The following PHACTR2 variants were observed in gnomAD, a reference collection of about 807,000 sequenced individuals.
PHACTR2 encodes phosphatase and actin regulator 2.
Under a neutral mutation model 76.0 loss-of-function variants are expected in PHACTR2, and 30 were observed. That is an observed-to-expected ratio of 0.39 (90% CI 0.30 to 0.54). The LOEUF (loss-of-function observed/expected upper bound fraction) is 0.54. PHACTR2 is among the 20% of genes least tolerant of loss of function. The probability of loss-of-function intolerance (pLI) is 0.61; values close to 1 mark genes in which losing one functional copy is unlikely to be tolerated. For synonymous variants in PHACTR2, 292 were observed against 292.5 expected, an observed-to-expected ratio of 1.00 and a Z score of 0.02; for missense variants, 696 against 781.1, an observed-to-expected ratio of 0.89 and a Z score of 1.30.
rs781079082 is a variant in PHACTR2 at position 143,761,266 on chromosome 6, C to CAA, written c.694+629_694+630dup. Among the ~76,000 whole-genome samples, 1 of 152,162 alleles carries CAA rather than the reference C, an allele frequency of 6.6e-6. No homozygotes were observed. The highest frequency in any genetic ancestry group is 1.9e-4 in the East Asian group (1 of 5,192). ...CCCTGTAGACTTGTGTGTTCTAAGG[C>CAA]AAAACATCCTGGTGTCATGTGGTTA... On this transcript the variant is annotated intron_variant, in intron 5 of 12. Coordinates refer to ENST00000440869, the MANE Select transcript of PHACTR2 (RefSeq NM_001100164.2). The surrounding 1 kb of genome is among the most constrained non-coding windows in gnomAD (Gnocchi z 5.2).
At position 143,765,203 on chromosome 6, in the gene PHACTR2, T is replaced by C. The variant is rs1779527817; in HGVS notation, c.695-58T>C. 7.2e-7 allele frequency: 1 copy of C among 1,385,786 alleles called. No individual in the cohort carries two copies. Among genetic ancestry groups the C allele is most frequent in the Non-Finnish European group, 9.9e-7 (1 of 1,008,038 alleles). The allele number at this position is 1,385,786 out of a possible 1,614,324, so 85.8% of individuals were successfully genotyped here. On this transcript the variant is annotated intron_variant, in intron 5 of 12. Coordinates refer to ENST00000440869, the MANE Select transcript of PHACTR2 (RefSeq NM_001100164.2). The surrounding 1 kb of genome is among the most constrained non-coding windows in gnomAD (Gnocchi z 4.1). ...TTGTTGACAGTTACACCTTGGTTAC[T>C]TTATTTTAAAAAGCATTGTATTCTT... is the stretch of plus-strand genomic sequence containing the variant.
chr6:143,707,614 C>T lies in PHACTR2; in HGVS notation c.47-4402C>T, dbSNP rs143990259. 6.4e-3 allele frequency among the ~76,000 whole-genome samples: 979 copies of T among 152,244 alleles called. 7 individuals are homozygous for T. The highest frequency in any genetic ancestry group is 7.7e-3 in the Non-Finnish European group (525 of 68,022). On this transcript the variant is annotated intron_variant, in intron 1 of 12. Transcript: ENST00000440869. ...TGTCATATCTATTAAATAGTATAAA[C>T]ATACAACAAACTCTATTAGGTAGAA...
chr6:143,801,815 TTTCTCC>T lies in PHACTR2; in HGVS notation c.1846-5241_1846-5236del, dbSNP rs1775961346. 6.6e-6 allele frequency among the ~76,000 whole-genome samples: 1 copy of T among 152,166 alleles called. No homozygotes were observed. The highest frequency in any genetic ancestry group is 6.6e-5 in the Admixed American group (1 of 15,266). On this transcript the variant is annotated intron_variant, in intron 11 of 12. Transcript: ENST00000440869. The surrounding 1 kb of genome is among the most constrained non-coding windows in gnomAD (Gnocchi z 4.6). The stretch of plus-strand genomic sequence containing the variant: ...GGAATTTTCAGCCTTTCTGCCTTGG[TTTCTCC>T]CCATCTTTGTGGTTTTATTTACCTT...
intron 1 of PHACTR2, among the ~76,000 whole-genome samples, chr6:143,588,824 T>C (rs959378623): frequency 2.0e-5 from 3 of 152,156 alleles, no homozygotes; most frequent in African/African-American, 7.2e-5. Context: ...CAATTTGATA[T>C]CTATGAATTT....
At chr6:143,650,566 A>C (rs184218743) in intron 1 of PHACTR2, among the ~76,000 whole-genome samples, 1 of 152,340 alleles carries the variant, frequency 6.6e-6, no homozygotes, top group Non-Finnish European at 1.5e-5. Flanking sequence ...AACCTGACAA[A>C]AACAAACAAT....
chr6:143,707,514 G>A (rs960665783), intron 1 of PHACTR2, among the ~76,000 whole-genome samples: 2 of 152,146 alleles, frequency 1.3e-5, no homozygotes, highest in Admixed American at 6.5e-5. Flanking sequence ...TTGTGAGCTG[G>A]AATACTATGC....
rs766493652 is a variant in PHACTR2, at chr6:143,562,291, G to A, written c.217+25084G>A. Reference sequence around the variant, plus strand: ...AGGCTGTACAGGAAGCACGGTGCTGGCATCTGCTTGGCCTCCCCAGGCCTC... The same window carrying A: ...AGGCTGTACAGGAAGCACGGTGCTGACATCTGCTTGGCCTCCCCAGGCCTC... On this transcript the variant is annotated intron_variant, in intron 1 of 11. Transcript: ENST00000367584. This position sits in a 1 kb window ranked among gnomAD's most constrained non-coding sequence, Gnocchi z 5.1. Among the ~76,000 whole-genome samples the A allele has an allele frequency of 3.9e-5, 6 of 152,160 alleles. No individual in the cohort carries two copies. The highest frequency in any genetic ancestry group is 8.8e-5 in the Non-Finnish European group (6 of 68,010).
rs930995127 is a variant in PHACTR2, at chr6:143,783,768, T to A, written c.1707+488T>A. 1.3e-5 allele frequency among the ~76,000 whole-genome samples: 2 copies of A among 152,210 alleles called. No homozygotes were observed. The highest frequency in any genetic ancestry group is 2.9e-5 in the Non-Finnish European group (2 of 68,046). ...TGAAAGTATGTACTCTGTGTGAAAA[T>A]TTTTAAAGACACAAAAAAAGAAAAA... On this transcript the variant is annotated intron_variant, in intron 10 of 12. Coordinates refer to ENST00000440869, the MANE Select transcript of PHACTR2 (RefSeq NM_001100164.2). This position sits in a 1 kb window ranked among gnomAD's most constrained non-coding sequence, Gnocchi z 5.2.
At chr6:143,681,392 A>G (rs1777385142) in intron 1 of PHACTR2, among the ~76,000 whole-genome samples, 1 of 151,774 alleles carries the variant, frequency 6.6e-6, no homozygotes, top group South Asian at 2.1e-4. Context: ...CCATTTGTAT[A>G]TCTTCTTTGG....
In PHACTR2 at chr6:143,784,434, C is replaced by A. The variant is rs1370342607; in HGVS notation, c.1707+1154C>A. Among the ~76,000 whole-genome samples the A allele has an allele frequency of 1.3e-5, 2 of 152,152 alleles. No homozygotes were observed. The highest frequency in any genetic ancestry group is 4.8e-5 in the African/African-American group (2 of 41,430). ...AATCATTCTTCAGGCATACCTTATG[C>A]ACCTAAAAATGGATAAAGTGACTAA... On this transcript the variant is annotated intron_variant, in intron 10 of 12. Transcript: ENST00000440869. The surrounding 1 kb of genome is among the most constrained non-coding windows in gnomAD (Gnocchi z 4.5).
In PHACTR2 at chr6:143,829,559, T is replaced by G. The variant is rs557601299; in HGVS notation, c.*5870T>G. 6.6e-6 allele frequency: 1 copy of G among 152,354 alleles called. No homozygotes were observed. The highest frequency in any genetic ancestry group is 2.1e-4 in the South Asian group (1 of 4,828). The allele number at this position is 152,354 out of a possible 1,614,324, so 9.4% of individuals were successfully genotyped here. A position where few individuals can be genotyped will look rare whatever the true frequency, so the allele number is the denominator to read the frequency against. On this transcript the variant is annotated 3_prime_UTR_variant, in exon 13 of 13. Transcript: ENST00000440869. ...TGGGTTGCATGCCTGTTGTTCATACTTCAGTGATGGTCACACACAAAACAA... is the reference window on the plus strand; with the variant it reads ...TGGGTTGCATGCCTGTTGTTCATACGTCAGTGATGGTCACACACAAAACAA...
At position 143,583,417 on chromosome 6, in the gene PHACTR2, C is replaced by G. The variant is rs2128433392; in HGVS notation, c.217+46210C>G. On this transcript the variant is annotated intron_variant, in intron 1 of 11. Transcript: ENST00000367584. The surrounding 1 kb of genome is among the most constrained non-coding windows in gnomAD (Gnocchi z 4.0). Reference sequence around the variant, plus strand: ...GATTGGTAAAAAATTGGTTTATCCTCTCTCAAAGTTTATCCTAAAGTTGCT... The same window carrying G: ...GATTGGTAAAAAATTGGTTTATCCTGTCTCAAAGTTTATCCTAAAGTTGCT... Among the ~76,000 whole-genome samples the G allele has an allele frequency of 6.6e-6, 1 of 152,368 alleles. No homozygotes were observed. The highest frequency in any genetic ancestry group is 2.4e-5 in the African/African-American group (1 of 41,582).
chr6:143,600,590 G>C (rs914152302), intron 1 of PHACTR2, among the ~76,000 whole-genome samples: 1 of 152,188 alleles, frequency 6.6e-6, no homozygotes, highest in Non-Finnish European at 1.5e-5. Context: ...TTATAATTTA[G>C]TCTTCCTTCA....
intron 6 of PHACTR2, among the ~76,000 whole-genome samples, chr6:143,768,170 A>G (rs1174766975): frequency 6.6e-6 from 1 of 152,184 alleles, no homozygotes. Flanking sequence ...TCTGAGGGAC[A>G]CATTCAAACC....
At chr6:143,594,292 G>A (rs921018593) in intron 1 of PHACTR2, among the ~76,000 whole-genome samples, 3 of 152,080 alleles carry the variant, frequency 2.0e-5, no homozygotes, top group African/African-American at 4.8e-5. Context: ...AGGGACAGTC[G>A]ACCTGTACTA....
rs1000193494 is a variant in PHACTR2 at position 143,803,790 on chromosome 6, A to G, written c.1846-3267A>G. On this transcript the variant is annotated intron_variant, in intron 11 of 12. Coordinates refer to ENST00000440869, the MANE Select transcript of PHACTR2 (RefSeq NM_001100164.2). The surrounding 1 kb of genome is among the most constrained non-coding windows in gnomAD (Gnocchi z 4.7). ...ATACCACTACTAAAACCATAATGCT[A>G]TAAATAGAATGATGTCTTTTGTTTC... Among the ~76,000 whole-genome samples, 1 of 152,200 alleles carries G rather than the reference A, an allele frequency of 6.6e-6. No individual in the cohort carries two copies. Among genetic ancestry groups the G allele is most frequent in the East Asian group, 1.9e-4 (1 of 5,192 alleles).
At chr6:143,640,684 A>C (rs2128443942) in intron 1 of PHACTR2, among the ~76,000 whole-genome samples, 1 of 152,316 alleles carries the variant, frequency 6.6e-6, no homozygotes, top group East Asian at 1.9e-4. Context: ...TAATCTGAAA[A>C]ATGCTAAAAG....
chr6:143,768,702 C>CAT (rs1775017907), intron 6 of PHACTR2, among the ~76,000 whole-genome samples: 1 of 152,172 alleles, frequency 6.6e-6, no homozygotes, highest in African/African-American at 2.4e-5. Flanking sequence ...AAGAGGTAAG[C>CAT]ATCTGTTCTT....
rs889968023 is a variant in PHACTR2, at chr6:143,821,355, C to T, written c.1923-2319C>T. ...ACTAGCAGCTCCTCAGTTATCAATT[C>T]GTGGCCCATCTCATTTCACCTGCTC... On this transcript the variant is annotated intron_variant, in intron 12 of 12. Coordinates refer to ENST00000440869, the MANE Select transcript of PHACTR2 (RefSeq NM_001100164.2). This position sits in a 1 kb window ranked among gnomAD's most constrained non-coding sequence, Gnocchi z 5.2. Among the ~76,000 whole-genome samples the T allele has an allele frequency of 6.6e-6, 1 of 152,224 alleles. No homozygotes were observed. The highest frequency in any genetic ancestry group is 2.4e-5 in the African/African-American group (1 of 41,464).
Sources: gnomAD v4.1 joint callset for allele counts (sites outside exome capture counted in the v4.1 genomes callset) on GRCh38, gnomAD v4.1.1 for gene constraint, Gnocchi (gnomAD v3.1) non-coding constraint, MANE v1.5 for transcripts, NCBI Gene and HGNC (gene_info 2026-07-23, HGNC 2026-07-21) for gene names.